Variants in TP53BP2 observed in about 807,000 individuals in gnomAD.
The protein encoded by TP53BP2 is apoptosis-stimulating of p53 protein 2.
Under a neutral mutation model 126.2 loss-of-function variants are expected in TP53BP2, and 62 were observed. The observed-to-expected ratio is 0.49, with a 90% CI of 0.40 to 0.61. The LOEUF (loss-of-function observed/expected upper bound fraction) is 0.61. TP53BP2 is among the 20% of genes least tolerant of loss of function. The pLI is 0.00. For missense variants in TP53BP2, 1,215 were observed against 1,402.8 expected, an observed-to-expected ratio of 0.87 and a Z score of 2.14; for synonymous variants, 485 against 502.9, an observed-to-expected ratio of 0.96 and a Z score of 0.48.
intron 2 of TP53BP2, chr1:223,818,155 G>A (rs1037458665): frequency 6.6e-6 from 1 of 152,508 alleles, no homozygotes; most frequent in Non-Finnish European, 1.5e-5. Flanking sequence ...TACATCAAGA[G>A]ATCAGGGGAA....
chr1:223,794,470 G>A (rs1395713940), intron 13 of TP53BP2, among the ~76,000 whole-genome samples: 8 of 152,304 alleles, frequency 5.3e-5, no homozygotes, highest in South Asian at 2.1e-4. Context: ...CGAGATAGTT[G>A]CTTCTATTTT....
intron 15 of TP53BP2, 78 bp from the exon 16 acceptor site, chr1:223,789,252 G>C: frequency 6.5e-7 from 1 of 1,526,828 alleles, no homozygotes; most frequent in South Asian, 1.2e-5. Flanking sequence ...TGGAAAGAAA[G>C]TTCTTGAGTC....
At chr1:223,810,113 A>G (rs1662861579) in intron 4 of TP53BP2, among the ~76,000 whole-genome samples, 1 of 152,226 alleles carries the variant, frequency 6.6e-6, no homozygotes, top group Non-Finnish European at 1.5e-5. Context: ...GGCGTGAGCC[A>G]CTGCACCCGG....
intron 5 of TP53BP2, 35 bp downstream of exon 5, chr1:223,806,811 G>A (rs762904659): frequency 1.3e-6 from 2 of 1,553,954 alleles, no homozygotes; most frequent in Non-Finnish European, 1.8e-6. Flanking sequence ...GCGACAGAGT[G>A]AGCATTCATC....
rs747976702 is a variant in TP53BP2, at chr1:223,802,713, A to G, written c.996+18T>C. The G allele has an allele frequency of 1.2e-6, 2 of 1,613,780 alleles. No individual in the cohort carries two copies. The highest frequency in any genetic ancestry group is 3.3e-5 in the Admixed American group (2 of 60,002). ...TTTTTCCCTCCTCCCCAAAACCATT[A>G]CAAAACGGCCCACTTACTGGTAGAT... On this transcript the variant is annotated intron_variant, in intron 8 of 17. Transcript: ENST00000343537.
At chr1:223,830,741 T>C (rs960857875) in intron 1 of TP53BP2, among the ~76,000 whole-genome samples, 1 of 152,060 alleles carries the variant, frequency 6.6e-6, no homozygotes, top group African/African-American at 2.4e-5. Flanking sequence ...AAATAGAGTG[T>C]TAGGAAAATG....
intron 1 of TP53BP2, chr1:223,845,320 C>G: frequency 2.2e-6 from 2 of 897,434 alleles, no homozygotes; most frequent in Non-Finnish European, 2.7e-6. Context: ...TATTCTTGAC[C>G]TTCAAGAACT....
In TP53BP2 at chr1:223,792,517, AT is replaced by A; in HGVS notation, c.2867del (p.Asp956ValfsTer34). On this transcript the variant is annotated frameshift_variant, in exon 15 of 18. Coordinates refer to ENST00000343537, the MANE Select transcript of TP53BP2 (RefSeq NM_001031685.3). LOFTEE classifies it high-confidence loss of function. Reference protein sequence around the residue: ...DLVQRIIYEVDDPSLPNDEGI... With the variant: ...DLVQRIIYEVXDPSLPNDEGI... ...CTTCATCATTGGGGAGGCTTGGGTC[AT>A]CAACCTATATCAAGAAGAAGGGTGA... The A allele has an allele frequency of 6.2e-7, 1 of 1,613,856 alleles. No individual in the cohort carries two copies. The highest frequency in any genetic ancestry group is 8.5e-7 in the Non-Finnish European group (1 of 1,179,808).
At chr1:223,809,833 C>CTT (rs949554343) in intron 4 of TP53BP2, among the ~76,000 whole-genome samples, 2 of 147,872 alleles carry the variant, frequency 1.4e-5, no homozygotes, top group Non-Finnish European at 3.0e-5. Context: ...TATAATTTTC[C>CTT]TTTTTTTTTT....
At chr1:223,816,258 T>C (rs1187436200) in intron 2 of TP53BP2, among the ~76,000 whole-genome samples, 1 of 152,148 alleles carries the variant, frequency 6.6e-6, no homozygotes, top group Non-Finnish European at 1.5e-5. Flanking sequence ...CCCTAGCACA[T>C]AACAGGCATC....
chr1:223,810,724 T>C (rs924005374), intron 3 of TP53BP2, among the ~76,000 whole-genome samples: 5 of 152,214 alleles, frequency 3.3e-5, no homozygotes, highest in African/African-American at 4.8e-5. Flanking sequence ...TACTCAGCAC[T>C]ACTAAATATC....
chr1:223,797,780 ATGTG>A (rs34287817), intron 12 of TP53BP2, among the ~76,000 whole-genome samples: 60 of 151,324 alleles, frequency 4.0e-4, no homozygotes, highest in African/African-American at 1.4e-3. Context: ...TATGTGTGTG[ATGTG>A]TGTGTGTGTA....
chr1:223,807,685 T>G (rs1662771516), intron 4 of TP53BP2, among the ~76,000 whole-genome samples: 1 of 152,058 alleles, frequency 6.6e-6, no homozygotes, highest in Non-Finnish European at 1.5e-5. Context: ...AATTTAAAAT[T>G]TTTAAATTTA....
At chr1:223,786,961 G>T (rs182942405) in intron 16 of TP53BP2, among the ~76,000 whole-genome samples, 1 of 149,506 alleles carries the variant, frequency 6.7e-6, no homozygotes, top group Non-Finnish European at 1.5e-5. Context: ...CAATGGCATG[G>T]TCTCAGCTCA....
rs745902669 is a variant in TP53BP2 at position 223,802,174 on chromosome 1, C to G, written c.1167G>C (p.Gly389=). 6.2e-7 allele frequency: 1 copy of G among 1,614,172 alleles called. No homozygotes were observed. Among genetic ancestry groups the G allele is most frequent in the Non-Finnish European group, 8.5e-7 (1 of 1,180,032 alleles). Residue 389 remains glycine, a synonymous_variant, in exon 9 of 18, where the codon GGG becomes GGC. Coordinates refer to ENST00000343537, the MANE Select transcript of TP53BP2 (RefSeq NM_001031685.3). ...TGGGCAGTGTCTGTATTTTCATCGG[C>G]CCCTCTGAAGCCTGAATGACCAAGG... ...DGSLVIQASE[G]PMKIQTLPNM...
chr1:223,784,423 A>AT (rs1661880836), intron 16 of TP53BP2, 109 bp from the exon 17 acceptor site: 1 of 944,702 alleles, frequency 1.1e-6, no homozygotes, highest in Admixed American at 2.1e-5. Flanking sequence ...ACAGGCTGGA[A>AT]TGTTAGTACT....
At chr1:223,819,954 AAGG>A (rs767449184) in intron 2 of TP53BP2, among the ~76,000 whole-genome samples, 37 of 152,328 alleles carry the variant, frequency 2.4e-4, no homozygotes, top group Non-Finnish European at 4.0e-4. Flanking sequence ...ATCAGGATAA[AAGG>A]AGCAATAAAC....
intron 17 of TP53BP2, among the ~76,000 whole-genome samples, chr1:223,783,680 G>T (rs988983495): frequency 6.6e-6 from 1 of 152,190 alleles, no homozygotes; most frequent in Non-Finnish European, 1.5e-5. Context: ...CACTATAGAA[G>T]TGGTACATAC....
At chr1:223,816,965 G>C (rs1005832072) in intron 2 of TP53BP2, among the ~76,000 whole-genome samples, 3 of 150,978 alleles carry the variant, frequency 2.0e-5, no homozygotes, top group African/African-American at 7.3e-5. Context: ...TTCAAGACCA[G>C]CCTAGGCAAC....
Sources: gnomAD v4.1 joint callset for allele counts (sites outside exome capture counted in the v4.1 genomes callset) on GRCh38, gnomAD v4.1.1 for gene constraint, MANE v1.5 for transcripts, NCBI Gene and HGNC (gene_info 2026-07-23, HGNC 2026-07-21) for gene names.